Variants in TMEM117 observed in about 807,000 individuals in gnomAD.
TMEM117 encodes transmembrane protein 117.
Under a neutral mutation model 52.4 loss-of-function variants are expected in TMEM117, and 27 were observed. That is an observed-to-expected ratio of 0.51 (90% confidence interval 0.38 to 0.71). The LOEUF is 0.71. Ranked by LOEUF, TMEM117 falls within the 30% of genes least tolerant of loss-of-function variation. The pLI, the probability that TMEM117 is intolerant of heterozygous loss-of-function variation, is 0.00. For synonymous variants in TMEM117, 215 were observed against 206.3 expected (o/e 1.04, Z -0.36); for missense variants, 556 against 630.5 (o/e 0.88, Z 1.26).
chr12:44,203,070 C>T (rs1592602810), intron 4 of TMEM117, among the ~76,000 whole-genome samples: 1 of 152,064 alleles, frequency 6.6e-6, no homozygotes, highest in Non-Finnish European at 1.5e-5. Flanking sequence ...GCTGGGATTA[C>T]AGGGGTGAGC....
intron 3 of TMEM117, among the ~76,000 whole-genome samples, chr12:44,115,074 G>T (rs756286220): frequency 6.6e-6 from 1 of 152,150 alleles, no homozygotes; most frequent in Non-Finnish European, 1.5e-5. Flanking sequence ...TGGCAAATAT[G>T]TAGCATATGC....
chr12:43,844,211 C>T (rs956824642), intron 1 of TMEM117, among the ~76,000 whole-genome samples: 2 of 152,202 alleles, frequency 1.3e-5, no homozygotes, highest in Non-Finnish European at 2.9e-5. Context: ...CCTGTGGCCA[C>T]AGCTACTGGG....
intron 2 of TMEM117, among the ~76,000 whole-genome samples, chr12:43,885,095 G>A (rs868472506): frequency 2.6e-5 from 4 of 152,038 alleles, no homozygotes; most frequent in Admixed American, 6.6e-5. Flanking sequence ...GTCGCTACCC[G>A]AGACACCTAT....
At chr12:44,069,268 A>C (rs1474753005) in intron 3 of TMEM117, among the ~76,000 whole-genome samples, 1 of 152,168 alleles carries the variant, frequency 6.6e-6, no homozygotes, top group African/African-American at 2.4e-5. Flanking sequence ...TGCAGGATAT[A>C]TATGGGATTT....
the TMEM117 span, chr12:43,797,901 C>T: frequency 1.3e-5 from 20 of 1,509,178 alleles, no homozygotes; most frequent in South Asian, 2.1e-4. Flanking sequence ...ATAAGAAAAC[C>T]CAACCTCTAT....
intron 3 of TMEM117, among the ~76,000 whole-genome samples, chr12:44,052,403 G>A (rs73089748): frequency 1.2e-4 from 18 of 152,034 alleles, no homozygotes; most frequent in Non-Finnish European, 2.5e-4. Context: ...AGAAAAGAAA[G>A]AACAAGGAGG....
chr12:44,154,822 A>G (rs546636225), intron 4 of TMEM117, among the ~76,000 whole-genome samples: 1 of 151,976 alleles, frequency 6.6e-6, no homozygotes, highest in South Asian at 2.1e-4. Flanking sequence ...AATAAGCAGA[A>G]TATTCCTGGT....
At chr12:44,336,042 C>T (rs1215356837) in intron 6 of TMEM117, among the ~76,000 whole-genome samples, 1 of 152,004 alleles carries the variant, frequency 6.6e-6, no homozygotes, top group Non-Finnish European at 1.5e-5. Context: ...CCATGTTTAA[C>T]TTTTAATTTC....
At chr12:44,262,992 C>T (rs1365778971) in intron 5 of TMEM117, among the ~76,000 whole-genome samples, 7 of 152,174 alleles carry the variant, frequency 4.6e-5, no homozygotes, top group Admixed American at 3.9e-4. Flanking sequence ...TTAATCTGTG[C>T]TCTATTTTTT....
At chr12:44,296,687 C>A (rs1033124695) in intron 5 of TMEM117, among the ~76,000 whole-genome samples, 6 of 152,322 alleles carry the variant, frequency 3.9e-5, no homozygotes, top group African/African-American at 1.4e-4. Flanking sequence ...TATCTCCTGG[C>A]AGGTCCCTGT....
chr12:44,028,234 A>C (rs1179223298), intron 3 of TMEM117, among the ~76,000 whole-genome samples: 4 of 150,740 alleles, frequency 2.7e-5, no homozygotes, highest in Non-Finnish European at 4.4e-5. Flanking sequence ...TTTTTTTTTA[A>C]AGGCATTAAA....
intron 3 of TMEM117, among the ~76,000 whole-genome samples, chr12:44,041,607 C>T (rs186731348): frequency 6.6e-6 from 1 of 152,232 alleles, no homozygotes; most frequent in East Asian, 1.9e-4. Flanking sequence ...AATAGACTTC[C>T]AATCCTCAGC....
At chr12:44,029,898 C>T (rs1005899192) in intron 3 of TMEM117, among the ~76,000 whole-genome samples, 3 of 152,156 alleles carry the variant, frequency 2.0e-5, no homozygotes, top group Non-Finnish European at 4.4e-5. Flanking sequence ...CTTGTATGTC[C>T]TTGGGAGCTT....
chr12:44,116,844 A>T (rs1171975565), intron 3 of TMEM117, among the ~76,000 whole-genome samples: 1 of 152,110 alleles, frequency 6.6e-6, no homozygotes, highest in Non-Finnish European at 1.5e-5. Context: ...CCACCTCCTC[A>T]TGACTGCTGC....
chr12:44,074,670 G>A (rs1947353765), intron 3 of TMEM117, among the ~76,000 whole-genome samples: 1 of 152,018 alleles, frequency 6.6e-6, no homozygotes, highest in Admixed American at 6.6e-5. Flanking sequence ...TGATACAAAT[G>A]TATATATATC....
intron 4 of TMEM117, among the ~76,000 whole-genome samples, chr12:44,155,628 A>C (rs1051013230): frequency 1.3e-5 from 2 of 152,118 alleles, no homozygotes; most frequent in African/African-American, 2.4e-5. Flanking sequence ...AGGCTCATCT[A>C]GTAGAAGTGT....
At chr12:44,363,036 C>CT (rs1951743180) in intron 6 of TMEM117, among the ~76,000 whole-genome samples, 1 of 151,796 alleles carries the variant, frequency 6.6e-6, no homozygotes, top group African/African-American at 2.4e-5. Context: ...ATGAGAGACA[C>CT]AAACGAAACA....
At chr12:44,013,130 G>A (rs79008892) in intron 3 of TMEM117, among the ~76,000 whole-genome samples, 8,895 of 151,688 alleles carry the variant, frequency 0.059, 393 homozygotes, top group African/African-American at 0.12. Context: ...CCAGCCTTAA[G>A]CGATCCTTCC....
At chr12:43,801,779 C>G in the TMEM117 span, among the ~76,000 whole-genome samples, 1 of 152,146 alleles carries the variant, frequency 6.6e-6, no homozygotes, top group Non-Finnish European at 1.5e-5. Flanking sequence ...CCTGTAATCC[C>G]AGCACTTTGG....
Sources: gnomAD v4.1 joint callset for allele counts (sites outside exome capture counted in the v4.1 genomes callset) on GRCh38, gnomAD v4.1.1 for gene constraint, MANE v1.5 for transcripts, NCBI Gene and HGNC (gene_info 2026-07-23, HGNC 2026-07-21) for gene names.